The following ADGRF3 variants were observed in gnomAD, a reference collection of about 807,000 sequenced individuals.
ADGRF3 encodes G protein-coupled receptor 113.
ADGRF3 carries 85 observed loss-of-function variants against 93.2 expected under a neutral mutation model. The observed-to-expected ratio is 0.91, with a 90% CI of 0.77 to 1.09. The LOEUF (loss-of-function observed/expected upper bound fraction) is 1.09. ADGRF3 is among the 50% of genes least tolerant of loss of function. The pLI, the probability that ADGRF3 is intolerant of heterozygous loss-of-function variation, is 0.00. For missense variants in ADGRF3, 1,125 were observed against 1,246.2 expected (o/e 0.90, Z 1.46); for synonymous variants, 534 against 532.5 (o/e 1.00, Z -0.04).
In ADGRF3 at chr2:26,346,409, G is replaced by A. The variant is rs571890092; in HGVS notation, c.-175C>T. On this transcript the variant is annotated 5_prime_UTR_variant, in exon 1 of 14. The change creates a new upstream start codon in the 5' untranslated region. Coordinates refer to ENST00000651242, the MANE Select transcript of ADGRF3 (RefSeq NM_001321971.2). ...CGTGGCTCCGGGCGGGCTGGCGGGC[G>A]TTCCTCCGGAGGTCCTGCGGGTCCT... 88 of 1,269,470 alleles carry A rather than the reference G, an allele frequency of 6.9e-5. No individual in the cohort carries two copies. In the African/African-American group the frequency reaches 1.3e-3, roughly 19 times the overall value. The allele number at this position is 1,269,470 out of a possible 1,614,324, so 78.6% of individuals were successfully genotyped here. A position where few individuals can be genotyped will look rare whatever the true frequency, so the allele number is the denominator to read the frequency against.
intron 1 of ADGRF3, among the ~76,000 whole-genome samples, chr2:26,321,709 C>T (rs953910266): frequency 4.6e-5 from 7 of 152,028 alleles, no homozygotes; most frequent in African/African-American, 1.7e-4. Flanking sequence ...CGGTGGCTCA[C>T]ACCTGTAATC....
At chr2:26,310,262 G>A (rs1673948471) in intron 10 of ADGRF3, 25 bp from the exon 11 acceptor site, 2 of 1,613,590 alleles carry the variant, frequency 1.2e-6, no homozygotes, top group African/African-American at 2.7e-5. Flanking sequence ...ATGGGGATAA[G>A]CTGGTCAAGG....
At position 26,311,460 on chromosome 2, in the gene ADGRF3, G is replaced by A. The variant is rs139058256; in HGVS notation, c.2064C>T (p.Ser688=). The A allele has an allele frequency of 8.8e-5, 142 of 1,614,062 alleles. No homozygotes were observed. In the African/African-American group the frequency reaches 1.2e-3, roughly 13 times the overall value. The change falls in exon 10 of 14, where the codon TCC becomes TCT. Residue 688 remains serine, a synonymous_variant. Coordinates refer to ENST00000651242, the MANE Select transcript of ADGRF3 (RefSeq NM_001321971.2). ...GAACAGTGTGTGGGGACATGAGGAC[G>A]GAGAAGGCAGTGAGGTGCTGGCAGA... ...QCLCQHLTAF[S]VLMSPHTVPE... is the part of the protein sequence containing the mutation.
At position 26,308,696 on chromosome 2, in the gene ADGRF3, A is replaced by T. The variant is rs1232093453; in HGVS notation, c.*390T>A. 1 of 175,780 alleles carries T rather than the reference A, an allele frequency of 5.7e-6. No homozygotes were observed. The highest frequency in any genetic ancestry group is 1.2e-5 in the Non-Finnish European group (1 of 83,744). The allele number at this position is 175,780 out of a possible 1,614,324, so 10.9% of individuals were successfully genotyped here. A position where few individuals can be genotyped will look rare whatever the true frequency, so the allele number is the denominator to read the frequency against. On this transcript the variant is annotated 3_prime_UTR_variant, in exon 14 of 14. Transcript: ENST00000651242. ...TCTTCATAACTATTGAAAAAGAAAT[A>T]ATCAGAAATCGCTGAATAGGTCAAT...
rs1187982428 is a variant in ADGRF3, at chr2:26,310,819, C to T, written c.2705G>A (p.Gly902Glu). The part of the protein sequence containing the change: ...PPAEKRQALL[G>E]VIKALLILTP... The stretch of plus-strand genomic sequence containing the variant: ...AAGAATGAGCAGGGCTTTGATCACC[C>T]CCAGCAGAGCTTGGCGCTTCTCTGC... Residue 902 changes from glycine (G) to glutamate (E), a missense_variant, in exon 10 of 14, where the codon GGG becomes GAG. Gly to Glu is a moderately conservative substitution (Grantham distance 98, BLOSUM62 -2). Transcript: ENST00000651242. The T allele has an allele frequency of 4.3e-6, 7 of 1,613,582 alleles. No homozygotes were observed. The highest frequency in any genetic ancestry group is 5.1e-6 in the Non-Finnish European group (6 of 1,179,716).
intron 2 of ADGRF3, 106 bp from the exon 3 acceptor site, chr2:26,317,161 AC>A: frequency 8.5e-7 from 1 of 1,179,852 alleles, no homozygotes; most frequent in Non-Finnish European, 1.2e-6. Context: ...TGCAGAGCAG[AC>A]CCCCTCCCAC....
chr2:26,327,415 G>A (rs530594882), intron 1 of ADGRF3, among the ~76,000 whole-genome samples: 1 of 152,170 alleles, frequency 6.6e-6, no homozygotes, highest in South Asian at 2.1e-4. Context: ...ATTTCCCTTT[G>A]AGCTGGATAG....
intron 1 of ADGRF3, among the ~76,000 whole-genome samples, chr2:26,336,600 C>T (rs1676054493): frequency 6.6e-6 from 1 of 151,716 alleles, no homozygotes; most frequent in African/African-American, 2.4e-5. Context: ...GTGGCAAGTG[C>T]CTGTAGTCCC....
intron 1 of ADGRF3, among the ~76,000 whole-genome samples, chr2:26,337,211 T>C (rs1437566534): frequency 6.6e-6 from 1 of 152,232 alleles, no homozygotes; most frequent in Non-Finnish European, 1.5e-5. Flanking sequence ...AGTAGTGGAA[T>C]CTATTTCTCC....
chr2:26,327,984 G>T (rs1023143685), intron 1 of ADGRF3, among the ~76,000 whole-genome samples: 1 of 152,026 alleles, frequency 6.6e-6, no homozygotes, highest in African/African-American at 2.4e-5. Context: ...GAACTTTGGG[G>T]GACACATTCA....
intron 1 of ADGRF3, among the ~76,000 whole-genome samples, chr2:26,323,025 G>C (rs997839539): frequency 5.9e-5 from 9 of 152,096 alleles, no homozygotes; most frequent in African/African-American, 2.2e-4. Flanking sequence ...TGTAATCCCA[G>C]TTACTCAGGA....
intron 3 of ADGRF3, 23 bp downstream of exon 3, chr2:26,316,889 C>G (rs116905882): frequency 6.3e-7 from 1 of 1,588,006 alleles, no homozygotes; most frequent in East Asian, 2.2e-5. Context: ...TCACTCTCAG[C>G]CCCCTTCCCA....
rs757448633 is a variant in ADGRF3, at chr2:26,311,674, ACCAGG to A, written c.1845_1849del (p.Leu616ProfsTer9). ...ACCTGCCATGATGGAAATGACAAGG[ACCAGG>A]CCAGGAGTGGCATAGAGGGAATCCC... On this transcript the variant is annotated frameshift_variant, in exon 10 of 14. Coordinates refer to ENST00000651242, the MANE Select transcript of ADGRF3 (RefSeq NM_001321971.2). LOFTEE classifies it high-confidence loss of function. 1 of 1,613,464 alleles carries A rather than the reference ACCAGG, an allele frequency of 6.2e-7. No homozygotes were observed.
chr2:26,339,901 T>G (rs1270416419), intron 1 of ADGRF3, among the ~76,000 whole-genome samples: 1 of 152,218 alleles, frequency 6.6e-6, no homozygotes. Context: ...CACATTGTAC[T>G]CAGCACAATT....
rs545174373 is a variant in ADGRF3, at chr2:26,310,761, G to T, written c.2763C>A (p.Gly921=). 6.2e-7 allele frequency: 1 copy of T among 1,613,470 alleles called. No individual in the cohort carries two copies. Among genetic ancestry groups the T allele is most frequent in the South Asian group, 1.1e-5 (1 of 90,974 alleles). Residue 921 remains glycine (G), a synonymous_variant, in exon 10 of 14, where the codon GGC becomes GGA. Transcript: ENST00000651242. ...AGACTTCCTCTAACAGAGTGGCCAG[G>T]CCCAGCCCCCAGGTGAGGCCAAAGA... ...TPIFGLTWGL[G]LATLLEEVST...
chr2:26,339,612 G>A (rs1448459794), intron 1 of ADGRF3, among the ~76,000 whole-genome samples: 2 of 152,098 alleles, frequency 1.3e-5, no homozygotes, highest in Non-Finnish European at 2.9e-5. Flanking sequence ...AACTGCAGAA[G>A]CCTTTTCCCT....
chr2:26,316,418 T>C lies in ADGRF3; in HGVS notation c.356A>G (p.Tyr119Cys). The C allele has an allele frequency of 1.3e-6, 2 of 1,551,592 alleles. No homozygotes were observed. The highest frequency in any genetic ancestry group is 1.7e-6 in the Non-Finnish European group (2 of 1,146,966). ...ECNVNHKGNF[Y>C]CACLSGYQWN... The stretch of plus-strand genomic sequence containing the variant: ...CTGGTAGCCAGAGAGGCAAGCACAA[T>C]AGAAATTCCCCTTGTGGTTGACATT... Residue 119 changes from tyrosine (Y) to cysteine (C), a missense_variant, in exon 4 of 14, where the codon TAT becomes TGT. Tyr to Cys is a radical substitution (Grantham distance 194). Coordinates refer to ENST00000651242, the MANE Select transcript of ADGRF3 (RefSeq NM_001321971.2).
intron 1 of ADGRF3, among the ~76,000 whole-genome samples, chr2:26,345,124 CT>C (rs1408828204): frequency 6.6e-6 from 1 of 152,132 alleles, no homozygotes. Context: ...CTAAGTGACT[CT>C]GGGCAGGCTG....
At position 26,346,178 on chromosome 2, in the gene ADGRF3, C is replaced by T. The variant is rs753002479; in HGVS notation, c.57G>A (p.Val19=). The T allele has an allele frequency of 3.7e-6, 6 of 1,612,554 alleles. No homozygotes were observed. Among genetic ancestry groups the T allele is most frequent in the Middle Eastern group, 1.7e-4 (1 of 6,060 alleles). Residue 19 remains valine, a synonymous_variant, in exon 1 of 14, where the codon GTG becomes GTA. Coordinates refer to ENST00000651242, the MANE Select transcript of ADGRF3 (RefSeq NM_001321971.2). ...CCCAGCCGGTGTGGTGCTTGTGTGTCACAGCCTTGTAGCCGGGAGTCGCTG... is the reference window on the plus strand; with the variant it reads ...CCCAGCCGGTGTGGTGCTTGTGTGTTACAGCCTTGTAGCCGGGAGTCGCTG... ...HSAATPGYKA[V]THKHHTGWAR...
Sources: gnomAD v4.1 joint callset for allele counts (sites outside exome capture counted in the v4.1 genomes callset) on GRCh38, gnomAD v4.1.1 for gene constraint, MANE v1.5 for transcripts, NCBI Gene and HGNC (gene_info 2026-07-23, HGNC 2026-07-21) for gene names.